Variants in EMP2 observed in about 807,000 individuals in gnomAD.
EMP2 encodes the protein epithelial membrane protein 2.
In EMP2, 19 loss-of-function variants were observed where a neutral mutation model predicts 13.7. The ratio of observed to expected loss-of-function variants is 1.38; its 90% CI spans 0.97 to 2.03. EMP2 has a LOEUF of 2.03. Among genes scored for constraint, EMP2 ranks in the 30% most tolerant of loss-of-function variants. The pLI, the probability that EMP2 is intolerant of heterozygous loss-of-function variation, is 0.00. For missense variants in EMP2, 253 were observed against 220.7 expected (o/e 1.15, Z -0.93); for synonymous variants, 97 against 84.7 (o/e 1.15, Z -0.80).
At chr16:10,569,722 T>C (rs746486144) in intron 1 of EMP2, among the ~76,000 whole-genome samples, 1 of 152,170 alleles carries the variant, frequency 6.6e-6, no homozygotes, top group South Asian at 2.1e-4. Context: ...CATAATACAG[T>C]CTTTAACATC....
At chr16:10,548,130 G>C (rs7206580) in intron 1 of EMP2, among the ~76,000 whole-genome samples, 6,174 of 152,264 alleles carry the variant, frequency 0.041, 432 homozygotes, top group African/African-American at 0.14. Context: ...CAAAAGTCTG[G>C]CATGAGAGGG....
chr16:10,566,682 C>T (rs193034233), intron 1 of EMP2, among the ~76,000 whole-genome samples: 1 of 152,202 alleles, frequency 6.6e-6, no homozygotes, highest in African/African-American at 2.4e-5. Context: ...GAAGTCAGTT[C>T]TCCACTTCTC....
At chr16:10,540,953 T>C (rs533992104) in intron 3 of EMP2, among the ~76,000 whole-genome samples, 10 of 152,166 alleles carry the variant, frequency 6.6e-5, no homozygotes, top group African/African-American at 2.4e-4. Context: ...CCAGGTGTGG[T>C]GGCACACACC....
intron 1 of EMP2, among the ~76,000 whole-genome samples, chr16:10,563,005 A>G (rs1251900142): frequency 1.3e-5 from 2 of 152,174 alleles, no homozygotes; most frequent in Non-Finnish European, 2.9e-5. Flanking sequence ...TGTCAGCATG[A>G]GAGTGAGGTT....
rs962034630 is a variant in EMP2 at position 10,532,314 on chromosome 16, C to A, written c.*591G>T. 1.3e-5 allele frequency: 2 copies of A among 153,306 alleles called. No individual in the cohort carries two copies. The highest frequency in any genetic ancestry group is 4.8e-5 in the African/African-American group (2 of 41,452). 9.5% of individuals were successfully genotyped at this position (153,306 alleles called of 1,614,324 possible). On this transcript the variant is annotated 3_prime_UTR_variant, in exon 5 of 5. Transcript: ENST00000359543. ...ACACTGTCGGCAAATTGAGGTGAGA[C>A]TTTTTCTGACCCACCCCGATACCGG...
At chr16:10,570,891 G>C (rs2142209525) in intron 1 of EMP2, among the ~76,000 whole-genome samples, 1 of 152,180 alleles carries the variant, frequency 6.6e-6, no homozygotes, top group East Asian at 1.9e-4. Flanking sequence ...TGGACAGAAA[G>C]AGGAAGGCAA....
At chr16:10,571,300 G>GAAAA (rs1423360967) in intron 1 of EMP2, among the ~76,000 whole-genome samples, 1 of 116,456 alleles carries the variant, frequency 8.6e-6, no homozygotes, top group Non-Finnish European at 1.8e-5. Flanking sequence ...CAGGAACTAA[G>GAAAA]AAAAAAGAGT....
At chr16:10,543,153 G>C (rs1035304922) in intron 3 of EMP2, among the ~76,000 whole-genome samples, 5 of 152,274 alleles carry the variant, frequency 3.3e-5, no homozygotes, top group African/African-American at 4.8e-5. Context: ...GCCAGATCTC[G>C]GATTTCTTAC....
At chr16:10,559,910 T>C (rs1034572209) in intron 1 of EMP2, among the ~76,000 whole-genome samples, 2 of 152,082 alleles carry the variant, frequency 1.3e-5, no homozygotes, top group Admixed American at 6.5e-5. Context: ...CCTGACCTCA[T>C]GTGATCTGCC....
chr16:10,562,413 T>C (rs571858836), intron 1 of EMP2, among the ~76,000 whole-genome samples: 28 of 151,088 alleles, frequency 1.9e-4, no homozygotes, highest in African/African-American at 6.6e-4. Context: ...TCTATCTCTC[T>C]GCCCAGTAAC....
At chr16:10,572,665 T>A (rs1339806118) in intron 1 of EMP2, among the ~76,000 whole-genome samples, 1 of 152,142 alleles carries the variant, frequency 6.6e-6, no homozygotes, top group Admixed American at 6.5e-5. Context: ...ATCTCCAGAA[T>A]AAATGTCACA....
chr16:10,532,781 T>TGGC lies in EMP2; in HGVS notation c.*123_*124insGCC. ...TTCTTTTTTTTTTTTTTTTTTTTTT[T>TGGC]TTTTTGGCTTTTAAAGGAAACAATA... On this transcript the variant is annotated 3_prime_UTR_variant, in exon 5 of 5. Coordinates refer to ENST00000359543, the MANE Select transcript of EMP2 (RefSeq NM_001424.6). The TGGC allele has an allele frequency of 7.4e-6, 3 of 403,848 alleles. No homozygotes were observed. The highest frequency in any genetic ancestry group is 1.1e-5 in the Non-Finnish European group (3 of 269,790). 25.0% of individuals were successfully genotyped at this position (403,848 alleles called of 1,614,324 possible).
In EMP2 at chr16:10,537,941, G is replaced by A; in HGVS notation, c.303C>T (p.Ile101=). 1 of 1,614,132 alleles carries A rather than the reference G, an allele frequency of 6.2e-7. No homozygotes were observed. Among genetic ancestry groups the A allele is most frequent in the Non-Finnish European group, 8.5e-7 (1 of 1,180,024 alleles). The part of the protein sequence containing the change: ...QGERFVLTSI[I]QLMSCLCVMI... Reference sequence around the variant, plus strand: ...TGATGTACTTACATGACATTAGCTGGATGATGGAGGTTAGGACAAACCTCT... The same window carrying A: ...TGATGTACTTACATGACATTAGCTGAATGATGGAGGTTAGGACAAACCTCT... The change falls in exon 4 of 5, where the codon ATC becomes ATT. Residue 101 remains isoleucine, a synonymous_variant. Coordinates refer to ENST00000359543, the MANE Select transcript of EMP2 (RefSeq NM_001424.6).
At chr16:10,543,218 G>C in intron 3 of EMP2, among the ~76,000 whole-genome samples, 1 of 152,232 alleles carries the variant, frequency 6.6e-6, no homozygotes, top group East Asian at 1.9e-4. Context: ...AGCCCATTTA[G>C]AGGCAAGGCT....
chr16:10,545,653 G>A (rs560061762), intron 2 of EMP2: 1 of 152,752 alleles, frequency 6.5e-6, no homozygotes, highest in East Asian at 1.9e-4. Flanking sequence ...ACAAGCTCAG[G>A]GCTCCCACTG....
intron 1 of EMP2, among the ~76,000 whole-genome samples, chr16:10,573,480 C>T (rs539942793): frequency 1.3e-4 from 20 of 152,308 alleles, no homozygotes; most frequent in Non-Finnish European, 2.8e-4. Context: ...TCATCATTTC[C>T]TTGTCTCTGG....
intron 1 of EMP2, among the ~76,000 whole-genome samples, chr16:10,548,378 A>G (rs779638305): frequency 5.3e-5 from 8 of 152,132 alleles, no homozygotes; most frequent in Non-Finnish European, 8.8e-5. Context: ...AATATTTCCT[A>G]ACGATCTGAC....
intron 4 of EMP2, 130 bp from the exon 5 acceptor site, chr16:10,533,222 G>C (rs1301436704): frequency 4.0e-6 from 4 of 992,104 alleles, no homozygotes; most frequent in African/African-American, 1.7e-5. Context: ...TTTTGTTGTA[G>C]AGACAAGATT....
intron 1 of EMP2, among the ~76,000 whole-genome samples, chr16:10,569,482 G>C (rs2050932058): frequency 6.6e-6 from 1 of 151,970 alleles, no homozygotes; most frequent in African/African-American, 2.4e-5. Flanking sequence ...CCATACCTGG[G>C]TAATTTTTTT....
Sources: gnomAD v4.1 joint callset for allele counts (sites outside exome capture counted in the v4.1 genomes callset) on GRCh38, gnomAD v4.1.1 for gene constraint, MANE v1.5 for transcripts, NCBI Gene and HGNC (gene_info 2026-07-23, HGNC 2026-07-21) for gene names.